The following MED26 variants were observed in gnomAD, a reference collection of about 807,000 sequenced individuals.
The protein encoded by MED26 is mediator of RNA polymerase II transcription subunit 26.
In MED26, 7 loss-of-function variants were observed where a neutral mutation model predicts 43.7. That is an observed-to-expected ratio of 0.16 (90% CI 0.09 to 0.30). The LOEUF (loss-of-function observed/expected upper bound fraction) is 0.30, where lower values mean the gene tolerates loss of function less well. Ranked by LOEUF, MED26 falls within the 10% of genes least tolerant of loss-of-function variation. MED26 has a pLI of 1.00. For synonymous variants in MED26, 375 were observed against 371.1 expected, an observed-to-expected ratio of 1.01 and a Z score of -0.12; for missense variants, 784 against 840.6, an observed-to-expected ratio of 0.93 and a Z score of 0.83.
rs2086070802 is a variant in MED26 at position 16,586,397 on chromosome 19, C to T, written c.73-7988G>A. On this transcript the variant is annotated intron_variant, in intron 1 of 2. Coordinates refer to ENST00000263390, the MANE Select transcript of MED26 (RefSeq NM_004831.5). This position sits in a 1 kb window ranked among gnomAD's most constrained non-coding sequence, Gnocchi z 5.1. ...CCAAACACACAGGGCCCATCTGGTG[C>T]TTTGAGTAGGTGGGGTGAAGGGTAC... 6.6e-6 allele frequency among the ~76,000 whole-genome samples: 1 copy of T among 152,252 alleles called. No individual in the cohort carries two copies. The highest frequency in any genetic ancestry group is 1.5e-5 in the Non-Finnish European group (1 of 68,040).
chr19:16,598,206 G>A (rs1474542439), intron 1 of MED26, among the ~76,000 whole-genome samples: 1 of 151,606 alleles, frequency 6.6e-6, no homozygotes, highest in African/African-American at 2.4e-5. Flanking sequence ...GCGAGGTGGT[G>A]CACATCTGTA....
At chr19:16,616,727 A>T (rs2086227852) in intron 1 of MED26, among the ~76,000 whole-genome samples, 1 of 152,182 alleles carries the variant, frequency 6.6e-6, no homozygotes, top group South Asian at 2.1e-4. Context: ...TACCTGGGGA[A>T]AGTCTTAAGG....
chr19:16,576,675 G>A lies in MED26; in HGVS notation c.1155C>T (p.Ser385=), dbSNP rs1236496519. The A allele has an allele frequency of 1.9e-6, 3 of 1,614,098 alleles. No individual in the cohort carries two copies. The highest frequency in any genetic ancestry group is 1.7e-6 in the Non-Finnish European group (2 of 1,180,038). ...TCTTTTTACTGTCCGAGCCCCCTGA[G>A]GAGGCAGCATCACTGTCCGCCTTGG... ...DSSKADSDAA[S]SGGSDSKKKK... The change falls in exon 3 of 3, where the codon TCC becomes TCT. Residue 385 remains serine (S), a synonymous_variant. Transcript: ENST00000263390. This position sits in a 1 kb window ranked among gnomAD's most constrained non-coding sequence, Gnocchi z 6.8.
At chr19:16,593,593 A>G (rs2086107696) in intron 1 of MED26, among the ~76,000 whole-genome samples, 1 of 152,196 alleles carries the variant, frequency 6.6e-6, no homozygotes, top group Non-Finnish European at 1.5e-5. Flanking sequence ...GCTGGCCACC[A>G]TGTTCACTCC....
At chr19:16,585,133 T>G (rs2086064829) in intron 1 of MED26, among the ~76,000 whole-genome samples, 1 of 152,144 alleles carries the variant, frequency 6.6e-6, no homozygotes, top group African/African-American at 2.4e-5. Flanking sequence ...TCCCCTACTC[T>G]GGTACTGGGC....
At chr19:16,613,132 G>A (rs974439625) in intron 1 of MED26, among the ~76,000 whole-genome samples, 1 of 152,154 alleles carries the variant, frequency 6.6e-6, no homozygotes, top group African/African-American at 2.4e-5. Flanking sequence ...ATAAATATTT[G>A]ATGTGATTTG....
chr19:16,604,398 A>G (rs1366571625), intron 1 of MED26, among the ~76,000 whole-genome samples: 1 of 152,192 alleles, frequency 6.6e-6, no homozygotes, highest in Non-Finnish European at 1.5e-5. Context: ...TAACTCAAAC[A>G]TTTTACTTTT....
At chr19:16,607,632 C>A (rs956424593) in intron 1 of MED26, among the ~76,000 whole-genome samples, 1 of 152,212 alleles carries the variant, frequency 6.6e-6, no homozygotes, top group African/African-American at 2.4e-5. Context: ...GGAGGTAATA[C>A]ATCTGGAGCA....
At chr19:16,627,221 C>G (rs1235898871) in intron 1 of MED26, among the ~76,000 whole-genome samples, 1 of 152,152 alleles carries the variant, frequency 6.6e-6, no homozygotes, top group Admixed American at 6.5e-5. Context: ...AGGAAGGATC[C>G]CACCCTCCCC....
intron 1 of MED26, among the ~76,000 whole-genome samples, chr19:16,623,184 C>T (rs1225280415): frequency 6.6e-6 from 1 of 152,116 alleles, no homozygotes; most frequent in African/African-American, 2.4e-5. Context: ...GAGTCAAAGA[C>T]AAGGACATAC....
At position 16,577,023 on chromosome 19, in the gene MED26, A is replaced by T; in HGVS notation, c.807T>A (p.Pro269=). ...TPGPPHPKGP[P]RCSFSPRNSR... ...AGTTCCGAGGACTGAAAGAGCAGCG[A>T]GGGGGTCCCTTGGGATGGGGAGGCC... The change falls in exon 3 of 3, where the codon CCT becomes CCA. Residue 269 remains proline (P), a synonymous_variant. Transcript: ENST00000263390. This position sits in a 1 kb window ranked among gnomAD's most constrained non-coding sequence, Gnocchi z 8.1. 1 of 1,608,888 alleles carries T rather than the reference A, an allele frequency of 6.2e-7. No individual in the cohort carries two copies.
chr19:16,625,196 G>C (rs192365253), intron 1 of MED26, among the ~76,000 whole-genome samples: 15 of 152,340 alleles, frequency 9.8e-5, no homozygotes, highest in African/African-American at 3.6e-4. Context: ...AAGGAGAGTA[G>C]AGGATTTACT....
intron 1 of MED26, among the ~76,000 whole-genome samples, chr19:16,585,481 A>T (rs2086066564): frequency 6.6e-6 from 1 of 152,072 alleles, no homozygotes; most frequent in Non-Finnish European, 1.5e-5. Flanking sequence ...CATAACAATG[A>T]GCCAGCAGTA....
intron 1 of MED26, among the ~76,000 whole-genome samples, chr19:16,593,948 TG>T (rs1323488337): frequency 6.6e-6 from 1 of 152,218 alleles, no homozygotes; most frequent in East Asian, 1.9e-4. Flanking sequence ...GCAGAGGTCC[TG>T]GAAGTTACTA....
chr19:16,595,406 A>T (rs2086115777), intron 1 of MED26, among the ~76,000 whole-genome samples: 1 of 152,162 alleles, frequency 6.6e-6, no homozygotes. Context: ...CTCTGAGAGC[A>T]TCTACTGAGC....
chr19:16,599,401 A>G (rs1444470016), intron 1 of MED26, among the ~76,000 whole-genome samples: 1 of 152,126 alleles, frequency 6.6e-6, no homozygotes, highest in Non-Finnish European at 1.5e-5. Context: ...GCCATCCTAA[A>G]CAAATGTCAC....
intron 1 of MED26, among the ~76,000 whole-genome samples, chr19:16,598,790 C>A (rs900702305): frequency 1.3e-5 from 2 of 152,108 alleles, no homozygotes; most frequent in African/African-American, 4.8e-5. Flanking sequence ...CTGTAATAAC[C>A]TTTAGGACAA....
chr19:16,577,780 C>T lies in MED26; in HGVS notation c.148-98G>A. The T allele has an allele frequency of 1.1e-6, 1 of 930,850 alleles. No homozygotes were observed. Among genetic ancestry groups the T allele is most frequent in the Non-Finnish European group, 1.6e-6 (1 of 630,076 alleles). The allele number at this position is 930,850 out of a possible 1,614,324, so 57.7% of individuals were successfully genotyped here. A position where few individuals can be genotyped will look rare whatever the true frequency, so the allele number is the denominator to read the frequency against. On this transcript the variant is annotated intron_variant, in intron 2 of 2. Coordinates refer to ENST00000263390, the MANE Select transcript of MED26 (RefSeq NM_004831.5). The surrounding 1 kb of genome is among the most constrained non-coding windows in gnomAD (Gnocchi z 8.1). ...GAAGTGGCCCTGACAGTGAAATGAC[C>T]CGGTTCCCACTGAGCCCTAAACTGC...
At chr19:16,609,661 T>G (rs2086190655) in intron 1 of MED26, among the ~76,000 whole-genome samples, 1 of 152,136 alleles carries the variant, frequency 6.6e-6, no homozygotes, top group Admixed American at 6.5e-5. Context: ...CTTCATTATT[T>G]TGAAGTGCTT....
Sources: allele counts gnomAD v4.1 joint callset (sites outside exome capture counted in the v4.1 genomes callset), GRCh38; gene constraint gnomAD v4.1.1; non-coding constraint Gnocchi (gnomAD v3.1); transcripts MANE v1.5; gene names NCBI Gene and HGNC (gene_info 2026-07-23, HGNC 2026-07-21).